SLF1: variants seen among roughly 807,000 people sequenced by gnomAD.
The protein encoded by SLF1 is SMC5-SMC6 complex localization factor protein 1.
Under a neutral mutation model 123.0 loss-of-function variants are expected in SLF1, and 105 were observed. That is an observed-to-expected ratio of 0.85 (90% CI 0.73 to 1.00). The LOEUF (loss-of-function observed/expected upper bound fraction) is 1.00. SLF1 is among the 50% of genes least tolerant of loss of function. The pLI is 0.00. For synonymous variants in SLF1, 434 were observed against 406.6 expected (o/e 1.07, Z -0.81); for missense variants, 1,239 against 1,223.0 (o/e 1.01, Z -0.20).
chr5:94,676,397 T>C (rs1049282529), intron 14 of SLF1, among the ~76,000 whole-genome samples: 3 of 152,074 alleles, frequency 2.0e-5, no homozygotes, highest in Non-Finnish European at 4.4e-5. Flanking sequence ...GGGGAGGTGT[T>C]GGTGCTACTG....
At chr5:94,688,336 C>T (rs1160610920) in intron 16 of SLF1, among the ~76,000 whole-genome samples, 170 bp from the exon 17 acceptor site, 2 of 152,106 alleles carry the variant, frequency 1.3e-5, no homozygotes, top group South Asian at 4.1e-4. Context: ...TTGACTTTGA[C>T]ACAAAACTAG....
chr5:94,632,179 C>G lies in SLF1; in HGVS notation c.431+1436C>G, dbSNP rs181149922. 3.0e-3 allele frequency among the ~76,000 whole-genome samples: 462 copies of G among 152,142 alleles called. 1 individual carries two copies. Among genetic ancestry groups the G allele is most frequent in the African/African-American group, 0.011 (456 of 41,530 alleles). On this transcript the variant is annotated intron_variant, in intron 4 of 20. Transcript: ENST00000265140. ...TCCTGTTGCTCTGAAGTTATTTTGG[C>G]ACTGTTAACGAAAATCAATTGACCA...
At chr5:94,670,127 G>C in intron 12 of SLF1, 24 bp from the exon 13 acceptor site, 2 of 1,523,792 alleles carry the variant, frequency 1.3e-6, no homozygotes, top group Non-Finnish European at 1.8e-6. Context: ...GTATGTTATA[G>C]ATTTTTGGGT....
At chr5:94,628,699 C>G in intron 1 of SLF1, 112 bp from the exon 2 acceptor site, 1 of 554,754 alleles carries the variant, frequency 1.8e-6, no homozygotes, top group Non-Finnish European at 3.0e-6. Flanking sequence ...ATCTTTAATT[C>G]ATTGTATGTT....
chr5:94,694,698 G>A, intron 20 of SLF1, 133 bp from the exon 21 acceptor site: 1 of 1,147,980 alleles, frequency 8.7e-7, no homozygotes, highest in Non-Finnish European at 1.2e-6. Flanking sequence ...TCAGTTAATT[G>A]TGTCGACATG....
At chr5:94,679,982 T>C (rs999589281) in intron 15 of SLF1, among the ~76,000 whole-genome samples, 2 of 152,216 alleles carry the variant, frequency 1.3e-5, no homozygotes, top group Non-Finnish European at 2.9e-5. Context: ...CTAAAATGAA[T>C]ACATTTTAAA....
rs375063211 is a variant in SLF1 at position 94,686,637 on chromosome 5, T to C, written c.2040T>C (p.Phe680=). 8.1e-6 allele frequency: 13 copies of C among 1,614,014 alleles called. No homozygotes were observed. The East Asian group carries it at 8.9e-5, about 11-fold the overall frequency. Residue 680 remains phenylalanine, a synonymous_variant, in exon 16 of 21, where the codon TTT becomes TTC. Coordinates refer to ENST00000265140, the MANE Select transcript of SLF1 (RefSeq NM_032290.4). ...CSFSSSWLQM[F]VAEAVFKKLC... is the part of the protein sequence containing the mutation. ...TTTCCTCCTCCTGGCTTCAAATGTT[T>C]GTTGCAGAGGCAGTCTTTAAAAAGT...
chr5:94,653,341 A>G lies in SLF1; in HGVS notation c.952A>G (p.Lys318Glu). 6.5e-7 allele frequency: 1 copy of G among 1,530,246 alleles called. No individual in the cohort carries two copies. Among genetic ancestry groups the G allele is most frequent in the Non-Finnish European group, 8.8e-7 (1 of 1,141,250 alleles). 94.8% of individuals were successfully genotyped at this position (1,530,246 alleles called of 1,614,324 possible). A position where few individuals can be genotyped will look rare whatever the true frequency, so the allele number is the denominator to read the frequency against. Residue 318 changes from lysine to glutamate, a missense_variant, in exon 8 of 21, where the codon AAA becomes GAA. By Grantham distance (56) the Lys-to-Glu change is moderately conservative. Coordinates refer to ENST00000265140, the MANE Select transcript of SLF1 (RefSeq NM_032290.4). Reference protein sequence around the residue: ...YTLRRKRKKGKESNCKKGVEH... With the variant: ...YTLRRKRKKGEESNCKKGVEH... ...TTTGAGGAGAAAACGCAAGAAAGGA[A>G]AAGAAAGCAATTGCAAGAAAGGCGT...
chr5:94,622,028 C>T (rs138910564), intron 1 of SLF1, among the ~76,000 whole-genome samples: 77 of 152,260 alleles, frequency 5.1e-4, no homozygotes, highest in African/African-American at 1.8e-3. Context: ...CCTAATTTGG[C>T]TCCTAGGCCT....
chr5:94,651,058 A>G (rs956988094), intron 6 of SLF1, among the ~76,000 whole-genome samples: 1 of 152,218 alleles, frequency 6.6e-6, no homozygotes, highest in Non-Finnish European at 1.5e-5. Flanking sequence ...GTCCCATAAG[A>G]TAATAATACC....
chr5:94,670,028 ACTTT>A (rs1750265706), intron 12 of SLF1, 119 bp from the exon 13 acceptor site: 1 of 1,005,208 alleles, frequency 9.9e-7, no homozygotes, highest in East Asian at 3.1e-5. Flanking sequence ...ATTTTGTTGA[ACTTT>A]CTATTTTAAG....
At chr5:94,686,549 A>G (rs773595970) in intron 15 of SLF1, 24 bp from the exon 16 acceptor site, 3 of 1,611,094 alleles carry the variant, frequency 1.9e-6, no homozygotes, top group Admixed American at 3.3e-5. Flanking sequence ...CAATAACTAT[A>G]TTAACTTACC....
intron 4 of SLF1, among the ~76,000 whole-genome samples, chr5:94,632,319 G>A (rs1331985784): frequency 3.9e-5 from 6 of 152,042 alleles, no homozygotes; most frequent in Non-Finnish European, 4.4e-5. Context: ...CTTGAAATTA[G>A]GTACTATGGG....
intron 12 of SLF1, 119 bp from the exon 13 acceptor site, chr5:94,670,032 T>C (rs370961559): frequency 9.5e-7 from 1 of 1,054,886 alleles, no homozygotes; most frequent in South Asian, 2.2e-5. Flanking sequence ...TGTTGAACTT[T>C]CTATTTTAAG....
Position 94,639,037 on chromosome 5 carries a change from C to CTTTTTTTTTTTT in SLF1, c.432-4226_432-4215dup, listed in dbSNP as rs764031689. On this transcript the variant is annotated intron_variant, in intron 4 of 20. Transcript: ENST00000265140. ...TTTCTCATCTCTTTTCTTTTCTTCC[C>CTTTTTTTTTTTT]TTTTTTTTTTTTTTTTTTTTTGAGA... Among the ~76,000 whole-genome samples the CTTTTTTTTTTTT allele has an allele frequency of 9.4e-4, 84 of 88,958 alleles. 1 individual carries two copies. Among genetic ancestry groups the CTTTTTTTTTTTT allele is most frequent in the East Asian group, 1.3e-3 (4 of 3,014 alleles). The allele number at this position is 88,958 out of a possible 152,430, so 58.4% of individuals were successfully genotyped here.
chr5:94,665,302 T>G (rs1346304737), intron 11 of SLF1, among the ~76,000 whole-genome samples: 1 of 152,186 alleles, frequency 6.6e-6, no homozygotes, highest in East Asian at 1.9e-4. Context: ...GGAAAAAAAT[T>G]CATGTGTAAG....
At position 94,678,876 on chromosome 5, in the gene SLF1, C is replaced by G. The variant is rs1303238206; in HGVS notation, c.1896C>G (p.Phe632Leu). The G allele has an allele frequency of 1.2e-5, 20 of 1,613,640 alleles. No homozygotes were observed. The highest frequency in any genetic ancestry group is 1.7e-5 in the Non-Finnish European group (20 of 1,179,798). ...GAGCAGCAATAGATTATTGGATTTT[C>G]CTTGGTCTTAAGATGGGTAGAAATG... ...ILGAAIDYWIFLGLKMGRNVM... is the reference protein window; with the variant it reads ...ILGAAIDYWILLGLKMGRNVM... The change falls in exon 15 of 21, where the codon TTC (phenylalanine) becomes TTG (leucine). Residue 632 changes from phenylalanine to leucine, a missense_variant. Phe to Leu is a conservative substitution (Grantham distance 22). Transcript: ENST00000265140.
At position 94,694,673 on chromosome 5, in the gene SLF1, C is replaced by T. The variant is rs183087469; in HGVS notation, c.2696-158C>T. On this transcript the variant is annotated intron_variant, in intron 20 of 20. Transcript: ENST00000265140. ...AGAATTTTTTTAATGTACCTTTATT[C>T]GTCTATATATATAGTCAGTTAATTG... 1.1e-3 allele frequency among the ~76,000 whole-genome samples: 160 copies of T among 151,574 alleles called. 1 individual carries two copies. The highest frequency in any genetic ancestry group is 3.7e-3 in the African/African-American group (154 of 41,394).
At chr5:94,656,314 G>C (rs1457528735) in intron 9 of SLF1, among the ~76,000 whole-genome samples, 1 of 151,628 alleles carries the variant, frequency 6.6e-6, no homozygotes, top group Admixed American at 6.6e-5. Context: ...ATAGTGTATT[G>C]ACTATGACAA....
Sources: gnomAD v4.1 joint callset for allele counts (sites outside exome capture counted in the v4.1 genomes callset) on GRCh38, gnomAD v4.1.1 for gene constraint, MANE v1.5 for transcripts, NCBI Gene and HGNC (gene_info 2026-07-23, HGNC 2026-07-21) for gene names.